SFPQ: variants seen among roughly 807,000 people sequenced by gnomAD.
The protein encoded by SFPQ is splicing factor proline and glutamine rich, also known as splicing factor, proline- and glutamine-rich.
Under a neutral mutation model 72.9 loss-of-function variants are expected in SFPQ, and 11 were observed. The observed-to-expected ratio is 0.15, with a 90% CI of 0.09 to 0.25. The LOEUF (loss-of-function observed/expected upper bound fraction) is 0.25. SFPQ is among the 10% of genes least tolerant of loss of function. The pLI is 1.00. For missense variants in SFPQ, 847 were observed against 993.3 expected, an observed-to-expected ratio of 0.85 and a Z score of 1.98; for synonymous variants, 506 against 367.3, an observed-to-expected ratio of 1.38 and a Z score of -4.32.
intron 4 of SFPQ, 50 bp downstream of exon 4, chr1:35,190,448 A>G: frequency 1.6e-6 from 2 of 1,282,296 alleles, no homozygotes; most frequent in Non-Finnish European, 2.2e-6. Flanking sequence ...AAATAAATTT[A>G]ACCTTTACAC....
downstream of SFPQ, chr1:35,181,826 T>C (rs1406626867): frequency 7.1e-6 from 7 of 984,600 alleles, no homozygotes; most frequent in East Asian, 5.7e-4. Context: ...CTAAAAACTA[T>C]CATATATACA....
intron 7 of SFPQ, among the ~76,000 whole-genome samples, chr1:35,187,483 C>T (rs1263534185): frequency 1.3e-5 from 2 of 152,228 alleles, no homozygotes; most frequent in Non-Finnish European, 2.9e-5. Flanking sequence ...GTAATCACAG[C>T]ACTTTGGAAG....
In SFPQ at chr1:35,190,479, A is replaced by G; in HGVS notation, c.1415+19T>C. The G allele has an allele frequency of 2.6e-6, 4 of 1,555,156 alleles. No individual in the cohort carries two copies. Among genetic ancestry groups the G allele is most frequent in the South Asian group, 1.2e-5 (1 of 86,044 alleles). On this transcript the variant is annotated intron_variant, in intron 4 of 9. Coordinates refer to ENST00000357214, the MANE Select transcript of SFPQ (RefSeq NM_005066.3). ...TACACTTGATTTAAAAACTGCCAAA[A>G]AAGTTTAATCAATCTTACTTTTGAT...
chr1:35,182,446 TTC>T, downstream of SFPQ: 2 of 985,372 alleles, frequency 2.0e-6, no homozygotes, highest in Non-Finnish European at 2.4e-6. Flanking sequence ...TCTAATGAGA[TTC>T]TCTCCCTTAG....
chr1:35,181,558 T>C (rs1194479097), downstream of SFPQ: 4 of 1,062,232 alleles, frequency 3.8e-6, no homozygotes, highest in African/African-American at 4.9e-5. Context: ...CAATGGGCTA[T>C]GCTTATAAAA....
chr1:35,176,670 C>T (rs1175635876), intron 5 of SFPQ, among the ~76,000 whole-genome samples: 2 of 149,674 alleles, frequency 1.3e-5, no homozygotes, highest in Non-Finnish European at 3.0e-5. Flanking sequence ...GAGATCAAGA[C>T]CACCCTGGCT....
chr1:35,189,358 A>G lies in SFPQ; in HGVS notation c.1440T>C (p.Phe480=). The G allele has an allele frequency of 6.2e-7, 1 of 1,614,030 alleles. No homozygotes were observed. ...CGTACTCAAACGTGCCATGCTGGGC[A>G]AAACGAGGAGGGGTTTCTCTCTCCC... ...YQKERETPPR[F]AQHGTFEYEY... is the part of the protein sequence containing the mutation. The change falls in exon 5 of 10, where the codon TTT becomes TTC. Residue 480 remains phenylalanine (F), a synonymous_variant. Coordinates refer to ENST00000357214, the MANE Select transcript of SFPQ (RefSeq NM_005066.3).
In SFPQ at chr1:35,189,401, T is replaced by C; in HGVS notation, c.1416-19A>G. The C allele has an allele frequency of 6.3e-7, 1 of 1,597,586 alleles. No homozygotes were observed. The highest frequency in any genetic ancestry group is 8.6e-7 in the Non-Finnish European group (1 of 1,166,712). ...TCTCTCCCTAACAATACACAAAATT[T>C]TAACATGAACCGATTTGTGAATGCA... On this transcript the variant is annotated intron_variant, in intron 4 of 9. Coordinates refer to ENST00000357214, the MANE Select transcript of SFPQ (RefSeq NM_005066.3).
In SFPQ at chr1:35,192,732, A is replaced by G. The variant is rs770230476; in HGVS notation, c.318T>C (p.Ser106=). ...GTCCCTGAGCAACGACGGGCTTGGA[A>G]GAGTCCTGCGGCGGTGGCGGCGGCT... ...QQQPPPPPQD[S]SKPVVAQGPG... is the part of the protein sequence containing the mutation. The change falls in exon 1 of 10, where the codon TCT becomes TCC. Residue 106 remains serine, a synonymous_variant. Coordinates refer to ENST00000357214, the MANE Select transcript of SFPQ (RefSeq NM_005066.3). The G allele has an allele frequency of 1.6e-5, 24 of 1,497,102 alleles. No individual in the cohort carries two copies. Among genetic ancestry groups the G allele is most frequent in the Middle Eastern group, 4.2e-4 (2 of 4,716 alleles). The allele number at this position is 1,497,102 out of a possible 1,614,324, so 92.7% of individuals were successfully genotyped here.
intron 4 of SFPQ, 122 bp from the exon 5 acceptor site, chr1:35,189,504 C>A (rs1005186524): frequency 6.0e-6 from 4 of 665,750 alleles, no homozygotes; most frequent in Non-Finnish European, 9.9e-6. Flanking sequence ...CAAAAATTTT[C>A]CTGATTCATC....
At chr1:35,185,534 T>C (rs1282510699) in intron 9 of SFPQ, among the ~76,000 whole-genome samples, 2 of 152,202 alleles carry the variant, frequency 1.3e-5, no homozygotes, top group East Asian at 1.9e-4. Flanking sequence ...TAGAAACATA[T>C]GTGCCTAAAT....
chr1:35,191,677 T>C (rs1640005030), intron 1 of SFPQ, 148 bp from the exon 2 acceptor site: 1 of 627,874 alleles, frequency 1.6e-6, no homozygotes, highest in African/African-American at 1.8e-5. Flanking sequence ...ATTTCTAACA[T>C]GAGCACTATC....
intron 1 of SFPQ, 57 bp downstream of exon 1, chr1:35,192,165 A>AGGAGGGGGCCGC: frequency 1.6e-6 from 2 of 1,270,796 alleles, no homozygotes; most frequent in Non-Finnish European, 2.0e-6. Context: ...GGCGGGGGCG[A>AGGAGGGGGCCGC]GGAGGGGGCC....
downstream of SFPQ, chr1:35,182,548 T>C (rs190220122): frequency 4.0e-5 from 39 of 985,460 alleles, 1 homozygote; most frequent in Admixed American, 1.7e-3. Context: ...CTGTTTCCTA[T>C]GCAGAAAGTG....
chr1:35,189,962 C>CA (rs1055645760), intron 4 of SFPQ, among the ~76,000 whole-genome samples: 52 of 150,176 alleles, frequency 3.5e-4, no homozygotes, highest in East Asian at 7.8e-4. Flanking sequence ...AAAAACAAAA[C>CA]AAAAAAAAAC....
In SFPQ at chr1:35,192,904, G is replaced by A; in HGVS notation, c.146C>T (p.Pro49Leu). 5.1e-6 allele frequency: 8 copies of A among 1,578,610 alleles called. No homozygotes were observed. The highest frequency in any genetic ancestry group is 6.8e-6 in the Non-Finnish European group (8 of 1,170,606). Residue 49 changes from proline to leucine, a missense_variant, in exon 1 of 10, where the codon CCT (proline) becomes CTT (leucine). Coordinates refer to ENST00000357214, the MANE Select transcript of SFPQ (RefSeq NM_005066.3). The stretch of plus-strand genomic sequence containing the variant: ...CTTAGGGCCGCTCTGGCCCGGGCCA[G>A]GACCCATGGGGCCGCGATTCTGATT... Reference protein sequence around the residue: ...GLNQNRGPMGPGPGQSGPKPP... With the variant: ...GLNQNRGPMGLGPGQSGPKPP...
In SFPQ at chr1:35,183,544, TTTTG is replaced by T. The variant is rs538339314; in HGVS notation, c.*908_*911del. Reference sequence around the variant, plus strand: ...GTTACTAAACCTTCTTACTTTCAAGTTTTGTTTTTTAGACTACACCCCATCTTTA... The same window carrying T: ...GTTACTAAACCTTCTTACTTTCAAGTTTTTTTAGACTACACCCCATCTTTA... On this transcript the variant is annotated 3_prime_UTR_variant, in exon 10 of 10. Transcript: ENST00000357214. 5.9e-6 allele frequency: 6 copies of T among 1,016,304 alleles called. No individual in the cohort carries two copies. The South Asian group carries it at 2.8e-4, about 47-fold the overall frequency. 63.0% of individuals were successfully genotyped at this position (1,016,304 alleles called of 1,614,324 possible).
downstream of SFPQ, chr1:35,180,618 T>A: frequency 9.5e-7 from 1 of 1,050,272 alleles, no homozygotes; most frequent in Non-Finnish European, 1.1e-6. Context: ...CCCATGTTTT[T>A]AAAAATTTTA....
Position 35,184,281 on chromosome 1 carries a change from C to A in SFPQ, c.*175G>T. On this transcript the variant is annotated 3_prime_UTR_variant, in exon 10 of 10. Coordinates refer to ENST00000357214, the MANE Select transcript of SFPQ (RefSeq NM_005066.3). ...AAAAGGAAAAAAAAATTCTCCTGTT[C>A]CAAACACTGCATTACATAATTTTAC... The A allele has an allele frequency of 1.4e-6, 2 of 1,395,950 alleles. No homozygotes were observed. Among genetic ancestry groups the A allele is most frequent in the Non-Finnish European group, 1.8e-6 (2 of 1,084,324 alleles). The allele number at this position is 1,395,950 out of a possible 1,614,324, so 86.5% of individuals were successfully genotyped here.
Sources: allele counts gnomAD v4.1 joint callset (sites outside exome capture counted in the v4.1 genomes callset), GRCh38; gene constraint gnomAD v4.1.1; transcripts MANE v1.5; gene names NCBI Gene and HGNC (gene_info 2026-07-23, HGNC 2026-07-21).